Variants in RALGAPB observed in about 807,000 individuals in gnomAD.
RALGAPB encodes the protein ral GTPase-activating protein subunit beta.
Under a neutral mutation model 161.1 loss-of-function variants are expected in RALGAPB, and 25 were observed. That is an observed-to-expected ratio of 0.16 (90% CI 0.11 to 0.22). The LOEUF is 0.22. Ranked by LOEUF, RALGAPB falls within the 10% of genes least tolerant of loss-of-function variation. The pLI is 1.00. For synonymous variants in RALGAPB, 629 were observed against 626.1 expected, an observed-to-expected ratio of 1.00 and a Z score of -0.07; for missense variants, 1,391 against 1,815.2, an observed-to-expected ratio of 0.77 and a Z score of 4.25.
chr20:38,525,150 G>A (rs2086419452), intron 11 of RALGAPB, among the ~76,000 whole-genome samples: 2 of 152,196 alleles, frequency 1.3e-5, no homozygotes, highest in Middle Eastern at 3.4e-3. Flanking sequence ...TTGTTGAATC[G>A]TTTTTGGCCT....
chr20:38,510,065 TA>T (rs2085887724), intron 6 of RALGAPB, among the ~76,000 whole-genome samples: 3 of 152,218 alleles, frequency 2.0e-5, no homozygotes, highest in Admixed American at 2.0e-4. Context: ...GTTTCCTTTG[TA>T]ATAGTAAGTT....
chr20:38,558,322 C>T lies in RALGAPB; in HGVS notation c.3400C>T (p.His1134Tyr), dbSNP rs899339212. Residue 1134 changes from histidine (H) to tyrosine (Y), a missense_variant, in exon 23 of 30, where the codon CAC becomes TAC. Physicochemically the swap from His to Tyr is moderately conservative, Grantham distance 83. Around this residue, in one of 3 missense-constraint regions of RALGAPB, gnomAD observed 436 missense variants for 527.0 expected, o/e 0.83. Coordinates refer to ENST00000262879, the MANE Select transcript of RALGAPB (RefSeq NM_020336.4). ...ACCTGCAAATAGTCGTCTACCTCCT[C>T]ACCTTATTGCACTTGATTCCACGAT... The part of the protein sequence containing the change: ...KEPANSRLPP[H>Y]LIALDSTIPG... 6.3e-7 allele frequency: 1 copy of T among 1,578,676 alleles called. No homozygotes were observed. The highest frequency in any genetic ancestry group is 8.6e-7 in the Non-Finnish European group (1 of 1,160,768).
rs900352205 is a variant in RALGAPB, at chr20:38,532,804, G to A, written c.2190G>A (p.Thr730=). 6 of 1,614,128 alleles carry A rather than the reference G, an allele frequency of 3.7e-6. No individual in the cohort carries two copies. Among genetic ancestry groups the A allele is most frequent in the East Asian group, 2.2e-5 (1 of 44,886 alleles). ...SGISSASGGS[T]EPTTPDSERP... The stretch of plus-strand genomic sequence containing the variant: ...TTAGTTCAGCAAGTGGTGGAAGCAC[G>A]GAGCCCACGACTCCCGATAGTGAGA... Residue 730 remains threonine (T), a synonymous_variant, in exon 15 of 30, where the codon ACG becomes ACA. Transcript: ENST00000262879.
chr20:38,516,187 A>G lies in RALGAPB; in HGVS notation c.873-5A>G. ...TGTGATTAATTCTTTCCTCTCTTTT[A>G]ATAGTAATCCTGTGGATTTGAGTAA... On this transcript the variant is annotated splice_polypyrimidine_tract_variant and splice_region_variant and intron_variant, in intron 6 of 29. Transcript: ENST00000262879. The G allele has an allele frequency of 6.4e-7, 1 of 1,570,174 alleles. No individual in the cohort carries two copies. The highest frequency in any genetic ancestry group is 2.3e-5 in the East Asian group (1 of 44,192).
intron 13 of RALGAPB, among the ~76,000 whole-genome samples, chr20:38,528,804 C>T (rs1396067145): frequency 6.6e-6 from 1 of 152,148 alleles, no homozygotes; most frequent in African/African-American, 2.4e-5. Context: ...CCTCACCCTC[C>T]TGAGTACCTG....
At chr20:38,486,153 A>G (rs543508648) in intron 1 of RALGAPB, among the ~76,000 whole-genome samples, 4 of 151,928 alleles carry the variant, frequency 2.6e-5, no homozygotes, top group African/African-American at 9.7e-5. Flanking sequence ...TATTTTTAGT[A>G]GAGACAGGGT....
In RALGAPB at chr20:38,574,849, A is replaced by T. The variant is rs976409868; in HGVS notation, c.4367A>T (p.His1456Leu). The T allele has an allele frequency of 4.3e-6, 7 of 1,613,622 alleles. No individual in the cohort carries two copies. Residue 1456 changes from histidine to leucine, a missense_variant, in exon 30 of 30, where the codon CAT (histidine) becomes CTT (leucine). His to Leu is a moderately conservative substitution (Grantham distance 99). Transcript: ENST00000262879. ...RLESDSYSPP[H>L]VRRKQKITDI... The stretch of plus-strand genomic sequence containing the variant: ...GAAAGTGACTCCTACAGTCCCCCCC[A>T]TGTCCGCCGGAAACAGAAAATCACC...
At chr20:38,555,562 T>C (rs2087557726) in intron 22 of RALGAPB, among the ~76,000 whole-genome samples, 1 of 152,244 alleles carries the variant, frequency 6.6e-6, no homozygotes, top group East Asian at 1.9e-4. Context: ...GTGGAGAAAA[T>C]TGAACAGAGT....
rs941616028 is a variant in RALGAPB, at chr20:38,530,079, A to C, written c.2051-1088A>C. On this transcript the variant is annotated intron_variant, in intron 13 of 29. Transcript: ENST00000262879. ...CACTTCCTATGGGTCCCATGGCGTTAGTCAAGGTTCATGGTGTTGCAGTAA... is the reference window on the plus strand; with the variant it reads ...CACTTCCTATGGGTCCCATGGCGTTCGTCAAGGTTCATGGTGTTGCAGTAA... 4.6e-5 allele frequency among the ~76,000 whole-genome samples: 7 copies of C among 152,170 alleles called. 1 individual carries two copies. Among genetic ancestry groups the C allele is most frequent in the Non-Finnish European group, 7.3e-5 (5 of 68,028 alleles).
intron 26 of RALGAPB, among the ~76,000 whole-genome samples, chr20:38,568,069 A>G (rs1239271754): frequency 1.3e-5 from 2 of 152,202 alleles, no homozygotes; most frequent in Non-Finnish European, 2.9e-5. Flanking sequence ...GCCAAATCTA[A>G]TACTTACTTT....
At position 38,521,453 on chromosome 20, in the gene RALGAPB, T is replaced by A. The variant is rs1400611878; in HGVS notation, c.1418-44T>A. 3 of 1,611,024 alleles carry A rather than the reference T, an allele frequency of 1.9e-6. 1 individual carries two copies. ...GTGTCCAGGGTCCCATGAGCCTACG[T>A]GGCATATTGCAAATATAATAAAACC... On this transcript the variant is annotated intron_variant, in intron 9 of 29. Transcript: ENST00000262879.
intron 1 of RALGAPB, among the ~76,000 whole-genome samples, chr20:38,484,016 TAA>T (rs745410905): frequency 6.6e-6 from 1 of 151,792 alleles, no homozygotes; most frequent in Non-Finnish European, 1.5e-5. Context: ...TGGTGAATAC[TAA>T]AAATACAAAA....
chr20:38,480,161 CTTTTGCTCATT>C (rs2084925067), intron 1 of RALGAPB, among the ~76,000 whole-genome samples: 1 of 150,470 alleles, frequency 6.6e-6, no homozygotes, highest in African/African-American at 2.4e-5. Flanking sequence ...TAAGGTTAAA[CTTTTGCTCATT>C]TTCTGCCTCC....
chr20:38,478,659 C>G (rs1481518162), intron 1 of RALGAPB, among the ~76,000 whole-genome samples: 1 of 151,684 alleles, frequency 6.6e-6, no homozygotes, highest in Non-Finnish European at 1.5e-5. Flanking sequence ...TCTTGTTGTT[C>G]AGGCTGGAGT....
At chr20:38,509,709 G>C (rs148591621) in intron 6 of RALGAPB, among the ~76,000 whole-genome samples, 1 of 152,262 alleles carries the variant, frequency 6.6e-6, no homozygotes, top group Non-Finnish European at 1.5e-5. Flanking sequence ...CTTCAGTTCA[G>C]CTTCATCACT....
rs1239285512 is a variant in RALGAPB, at chr20:38,526,123, T to C, written c.2050+81T>C. 7 of 1,471,610 alleles carry C rather than the reference T, an allele frequency of 4.8e-6. No individual in the cohort carries two copies. The East Asian group carries it at 1.1e-4, about 24-fold the overall frequency. The allele number at this position is 1,471,610 out of a possible 1,614,324, so 91.2% of individuals were successfully genotyped here. On this transcript the variant is annotated intron_variant, in intron 13 of 29. Transcript: ENST00000262879. The stretch of plus-strand genomic sequence containing the variant: ...CTGCTGAGGAGGCGGCAGTCGGTAA[T>C]GGGAGCCTAAACCTAATGTAGCTCT...
At chr20:38,572,870 T>G (rs2088291319) in intron 28 of RALGAPB, among the ~76,000 whole-genome samples, 1 of 152,198 alleles carries the variant, frequency 6.6e-6, no homozygotes, top group Admixed American at 6.5e-5. Context: ...TCATTTTTAC[T>G]AAAATATTCT....
In RALGAPB at chr20:38,570,895, A is replaced by G. The variant is rs187981238; in HGVS notation, c.4142+48A>G. The G allele has an allele frequency of 6.6e-6, 8 of 1,209,728 alleles. No homozygotes were observed. The Admixed American group carries it at 1.1e-4, about 17-fold the overall frequency. 74.9% of individuals were successfully genotyped at this position (1,209,728 alleles called of 1,614,324 possible). A position where few individuals can be genotyped will look rare whatever the true frequency, so the allele number is the denominator to read the frequency against. On this transcript the variant is annotated intron_variant, in intron 28 of 29. Transcript: ENST00000262879. ...TCATCAGCGTGTCTTTTTTTAACAT[A>G]TTGATTGCAGCTTAATAAATAAGGA...
chr20:38,567,001 G>A, intron 25 of RALGAPB, 95 bp from the exon 26 acceptor site: 1 of 1,484,422 alleles, frequency 6.7e-7, no homozygotes, highest in East Asian at 2.4e-5. Flanking sequence ...TTGTTTAAGT[G>A]ATTTAGGTTA....
Sources: allele counts gnomAD v4.1 joint callset (sites outside exome capture counted in the v4.1 genomes callset), GRCh38; gene constraint gnomAD v4.1.1; regional missense constraint gnomAD v4.1.1; transcripts MANE v1.5; gene names NCBI Gene and HGNC (gene_info 2026-07-23, HGNC 2026-07-21).